Variants in FEZ2 observed in about 807,000 individuals in gnomAD.
FEZ2 encodes fasciculation and elongation protein zeta-2.
FEZ2 carries 51 observed loss-of-function variants against 40.4 expected under a neutral mutation model. The ratio of observed to expected loss-of-function variants is 1.26; its 90% confidence interval spans 1.01 to 1.59. The LOEUF (loss-of-function observed/expected upper bound fraction) is 1.59. FEZ2 is among the 40% of genes most tolerant of loss of function. The probability of loss-of-function intolerance (pLI) is 0.00; values close to 1 mark genes in which losing one functional copy is unlikely to be tolerated. For synonymous variants in FEZ2, 242 were observed against 172.0 expected (o/e 1.41, Z -3.18); for missense variants, 640 against 438.3 (o/e 1.46, Z -4.11).
chr2:36,581,146 C>G (rs943137385), intron 4 of FEZ2, 144 bp downstream of exon 4: 2 of 805,312 alleles, frequency 2.5e-6, no homozygotes, highest in Admixed American at 5.0e-5. Context: ...GAAATCCCGT[C>G]TCAACAACAA....
intron 6 of FEZ2, chr2:36,556,928 C>T (rs1228421747): frequency 6.6e-6 from 1 of 152,088 alleles, no homozygotes; most frequent in African/African-American, 2.4e-5. Flanking sequence ...AGCTTTGGAC[C>T]CAAATATGTC....
At chr2:36,568,605 G>GC (rs1406943383) in intron 5 of FEZ2, among the ~76,000 whole-genome samples, 1 of 152,120 alleles carries the variant, frequency 6.6e-6, no homozygotes, top group Non-Finnish European at 1.5e-5. Context: ...GCTATAAAAT[G>GC]CCCCCTCTCA....
At chr2:36,553,272 A>C in intron 7 of FEZ2, 93 bp from the exon 8 acceptor site, 2 of 963,002 alleles carry the variant, frequency 2.1e-6, no homozygotes, top group Non-Finnish European at 3.2e-6. Context: ...AAAACCATTA[A>C]GTAATGAGAA....
At chr2:36,556,406 T>G (rs1667962982) in intron 6 of FEZ2, 1 of 155,044 alleles carries the variant, frequency 6.4e-6, no homozygotes, top group African/African-American at 2.4e-5. Context: ...ACGTTTTTCT[T>G]TTTTAAGCTA....
chr2:36,595,221 A>G (rs1284695683), intron 1 of FEZ2, among the ~76,000 whole-genome samples: 1 of 152,136 alleles, frequency 6.6e-6, no homozygotes, highest in Non-Finnish European at 1.5e-5. Context: ...CAAGCACATT[A>G]CATTTACGGT....
chr2:36,565,924 A>G (rs1365901620), intron 5 of FEZ2, among the ~76,000 whole-genome samples: 1 of 152,154 alleles, frequency 6.6e-6, no homozygotes, highest in Non-Finnish European at 1.5e-5. Flanking sequence ...GTTTTCAGAC[A>G]TTGACTCATG....
intron 5 of FEZ2, among the ~76,000 whole-genome samples, chr2:36,575,864 T>C (rs913721487): frequency 3.3e-5 from 5 of 152,094 alleles, no homozygotes; most frequent in African/African-American, 9.7e-5. Flanking sequence ...CAACTACAAA[T>C]TGATGTACTG....
At chr2:36,564,406 T>C (rs550787101) in intron 5 of FEZ2, among the ~76,000 whole-genome samples, 24 of 152,218 alleles carry the variant, frequency 1.6e-4, no homozygotes, top group Admixed American at 1.4e-3. Context: ...ATTTCCTCTT[T>C]CTTTCAAAAA....
intron 6 of FEZ2, chr2:36,558,181 G>T: frequency 3.6e-6 from 1 of 279,874 alleles, no homozygotes; most frequent in Non-Finnish European, 6.7e-6. Flanking sequence ...TTTAGGTTAT[G>T]CTTTTTCCCA....
At chr2:36,587,305 C>G (rs1326793621) in intron 2 of FEZ2, among the ~76,000 whole-genome samples, 1 of 152,198 alleles carries the variant, frequency 6.6e-6, no homozygotes, top group Non-Finnish European at 1.5e-5. Context: ...GAATATCTTT[C>G]AGGCTTTGCA....
Position 36,555,292 on chromosome 2 carries a change from CGTCCTCACTAATGATCT to C in FEZ2, c.1045+374_1045+390del, listed in dbSNP as rs574647825. 2.1e-3 allele frequency: 340 copies of C among 158,418 alleles called. 2 individuals carry two copies. Among genetic ancestry groups the C allele is most frequent in the African/African-American group, 7.7e-3 (320 of 41,762 alleles). The allele number at this position is 158,418 out of a possible 1,614,324, so 9.8% of individuals were successfully genotyped here. A position where few individuals can be genotyped will look rare whatever the true frequency, so the allele number is the denominator to read the frequency against. ...AGATGTGACTCTTCCTTCCTTCATC[CGTCCTCACTAATGATCT>C]GTCCTCCTTTCCACTGTCCTCAAGA... On this transcript the variant is annotated intron_variant, in intron 7 of 7. Transcript: ENST00000405912.
rs569369468 is a variant in FEZ2, at chr2:36,564,417, A to G, written c.904-5904T>C. ...ATTCATTTCCTCTTTCTTTCAAAAA[A>G]CATCCTGAGCCAGATACCATTCCAG... On this transcript the variant is annotated intron_variant, in intron 5 of 7. Coordinates refer to ENST00000405912, the MANE Select transcript of FEZ2 (RefSeq NM_005102.3). 5.3e-5 allele frequency among the ~76,000 whole-genome samples: 8 copies of G among 152,286 alleles called. 1 individual carries two copies. The highest frequency in any genetic ancestry group is 1.9e-4 in the African/African-American group (8 of 41,538).
At chr2:36,594,763 A>T (rs904538088) in intron 1 of FEZ2, among the ~76,000 whole-genome samples, 5 of 152,232 alleles carry the variant, frequency 3.3e-5, no homozygotes, top group Admixed American at 6.5e-5. Context: ...CCAGAATTTG[A>T]GGAGTTTGCT....
At chr2:36,581,944 G>A (rs1668762868) in intron 3 of FEZ2, among the ~76,000 whole-genome samples, 1 of 151,996 alleles carries the variant, frequency 6.6e-6, no homozygotes, top group African/African-American at 2.4e-5. Flanking sequence ...TCTTTCAACA[G>A]CAGAAAAATA....
chr2:36,580,717 G>A lies in FEZ2; in HGVS notation c.634+573C>T, dbSNP rs546202988. Among the ~76,000 whole-genome samples, 5 of 152,244 alleles carry A rather than the reference G, an allele frequency of 3.3e-5. No individual in the cohort carries two copies. In the South Asian group the frequency reaches 1.0e-3, roughly 32 times the overall value. On this transcript the variant is annotated intron_variant, in intron 4 of 7. Transcript: ENST00000405912. ...GATGGGGTTTCTTATAGACTCAATT[G>A]TGTCCTCCCCAAAATTCATGTGTTG...
chr2:36,585,713 T>C lies in FEZ2; in HGVS notation c.376-2244A>G, dbSNP rs116308601. Among the ~76,000 whole-genome samples the C allele has an allele frequency of 3.0e-3, 462 of 152,288 alleles. 1 individual carries two copies. The highest frequency in any genetic ancestry group is 4.8e-3 in the Non-Finnish European group (327 of 68,026). ...TATCATAATGGGTCAACTGTGCACA[T>C]TTAAATAGTAAATATAAATGATGAA... On this transcript the variant is annotated intron_variant, in intron 2 of 7. Transcript: ENST00000405912.
At chr2:36,576,275 ATTT>A (rs34261823) in intron 5 of FEZ2, among the ~76,000 whole-genome samples, 5 of 149,108 alleles carry the variant, frequency 3.4e-5, no homozygotes, top group African/African-American at 4.9e-5. Context: ...TAGGCTTTTT[ATTT>A]TTTTTTTTTG....
At chr2:36,583,614 A>T in intron 2 of FEZ2, 145 bp from the exon 3 acceptor site, 1 of 596,918 alleles carries the variant, frequency 1.7e-6, no homozygotes, top group South Asian at 2.0e-5. Context: ...ACTCTGTACC[A>T]GGCAATGAGT....
intron 5 of FEZ2, among the ~76,000 whole-genome samples, chr2:36,571,972 G>A (rs1477737128): frequency 4.5e-5 from 6 of 134,528 alleles, no homozygotes; most frequent in Non-Finnish European, 9.3e-5. Context: ...CCGAGATCGC[G>A]CCCCTGCACT....
Sources: gnomAD v4.1 joint callset for allele counts (sites outside exome capture counted in the v4.1 genomes callset) on GRCh38, gnomAD v4.1.1 for gene constraint, MANE v1.5 for transcripts, NCBI Gene and HGNC (gene_info 2026-07-23, HGNC 2026-07-21) for gene names.